Variants in CHCHD6 observed in about 807,000 individuals in gnomAD.
CHCHD6 encodes the protein MICOS complex subunit MIC25.
A neutral mutation model predicts 32.3 loss-of-function variants in CHCHD6; 28 were observed. The observed-to-expected ratio is 0.87, with a 90% CI of 0.64 to 1.19. The LOEUF is 1.19. CHCHD6 is among the 50% of genes most tolerant of loss of function. CHCHD6 has a pLI of 0.00. For synonymous variants in CHCHD6, 122 were observed against 117.5 expected (o/e 1.04, Z -0.25); for missense variants, 333 against 307.0 (o/e 1.08, Z -0.63).
intron 4 of CHCHD6, among the ~76,000 whole-genome samples, chr3:126,813,121 T>C (rs1042122969): frequency 2.6e-5 from 4 of 152,184 alleles, no homozygotes; most frequent in African/African-American, 9.6e-5. Flanking sequence ...GTAGAGTAGG[T>C]CAATAAATCT....
At chr3:126,910,121 AC>A (rs1322810403) in intron 5 of CHCHD6, among the ~76,000 whole-genome samples, 7 of 152,116 alleles carry the variant, frequency 4.6e-5, no homozygotes. Context: ...TGTAAAAAAT[AC>A]AAAAATTAGC....
intron 5 of CHCHD6, among the ~76,000 whole-genome samples, chr3:126,873,274 G>A (rs907387633): frequency 6.6e-6 from 1 of 152,218 alleles, no homozygotes; most frequent in Non-Finnish European, 1.5e-5. Flanking sequence ...GAGACCTGGT[G>A]GTTGTTCAAG....
At chr3:126,729,717 C>G (rs11718070) in intron 2 of CHCHD6, among the ~76,000 whole-genome samples, 1 of 152,044 alleles carries the variant, frequency 6.6e-6, no homozygotes, top group Non-Finnish European at 1.5e-5. Flanking sequence ...CCGAAGGATC[C>G]CTGACGGGTC....
Position 126,730,568 on chromosome 3 carries a change from A to G in CHCHD6, c.204A>G (p.Thr68=), listed in dbSNP as rs1935746114. ...CTTCTCTTTCCTTTGCAGAATCCAC[A>G]CTGCCCAGGTCGGGGAGCAGTGGTG... ...GNLRAPHKES[T]LPRSGSSGGQ... is the part of the protein sequence containing the mutation. The change falls in exon 3 of 8, where the codon ACA becomes ACG. Residue 68 remains threonine (T), a synonymous_variant. Coordinates refer to ENST00000290913, the MANE Select transcript of CHCHD6 (RefSeq NM_032343.3). 3 of 1,613,618 alleles carry G rather than the reference A, an allele frequency of 1.9e-6. No individual in the cohort carries two copies. Among genetic ancestry groups the G allele is most frequent in the South Asian group, 1.1e-5 (1 of 91,006 alleles).
chr3:126,842,531 T>C (rs1031985334), intron 4 of CHCHD6, among the ~76,000 whole-genome samples: 4 of 152,230 alleles, frequency 2.6e-5, no homozygotes, highest in Non-Finnish European at 4.4e-5. Flanking sequence ...GAATCTGTCT[T>C]CGTAGTCCTG....
chr3:126,945,910 G>T (rs935384096), intron 6 of CHCHD6, among the ~76,000 whole-genome samples: 2 of 151,994 alleles, frequency 1.3e-5, no homozygotes, highest in African/African-American at 2.4e-5. Flanking sequence ...ACTCTAAGAC[G>T]ACAGGGGGTG....
chr3:126,739,467 A>G (rs1183095471), intron 4 of CHCHD6, among the ~76,000 whole-genome samples: 12 of 152,206 alleles, frequency 7.9e-5, no homozygotes, highest in South Asian at 6.2e-4. Context: ...GGACTAGACT[A>G]TGCAGCTCCA....
At chr3:126,822,549 G>A (rs1250132695) in intron 4 of CHCHD6, among the ~76,000 whole-genome samples, 2 of 152,096 alleles carry the variant, frequency 1.3e-5, no homozygotes, top group Admixed American at 6.5e-5. Context: ...GATTATTTGG[G>A]ATTCCTTGAA....
chr3:126,764,434 A>G (rs1456637925), intron 4 of CHCHD6, among the ~76,000 whole-genome samples: 1 of 152,042 alleles, frequency 6.6e-6, no homozygotes, highest in Non-Finnish European at 1.5e-5. Flanking sequence ...GACCTTCCCC[A>G]CAACTCCTTG....
intron 6 of CHCHD6, among the ~76,000 whole-genome samples, chr3:126,918,223 C>T (rs966467524): frequency 6.6e-6 from 1 of 152,198 alleles, no homozygotes; most frequent in African/African-American, 2.4e-5. Context: ...TCATAAATGT[C>T]ATAGAAATAA....
rs370348666 is a variant in CHCHD6, at chr3:126,772,211, C to T, written c.411+38989C>T. 1.1e-4 allele frequency among the ~76,000 whole-genome samples: 17 copies of T among 152,292 alleles called. No homozygotes were observed. The East Asian group carries it at 2.3e-3, about 21-fold the overall frequency. ...CCGCCTCCTGGGTTCACGCCATTCT[C>T]CTGCCTCAGCCTCCCGAGTAGCTGG... On this transcript the variant is annotated intron_variant, in intron 4 of 7. Transcript: ENST00000290913.
intron 4 of CHCHD6, among the ~76,000 whole-genome samples, chr3:126,773,433 C>T (rs1161368084): frequency 6.6e-6 from 1 of 152,094 alleles, no homozygotes; most frequent in Non-Finnish European, 1.5e-5. Context: ...GGGAATGTGG[C>T]TACAACTGAG....
chr3:126,745,626 T>A (rs931082184), intron 4 of CHCHD6, among the ~76,000 whole-genome samples: 2 of 152,226 alleles, frequency 1.3e-5, no homozygotes, highest in Non-Finnish European at 2.9e-5. Context: ...GCAGGAATGC[T>A]GGCTGTTACC....
At chr3:126,863,066 CCAT>C (rs1199579364) in intron 5 of CHCHD6, among the ~76,000 whole-genome samples, 1 of 35,808 alleles carries the variant, frequency 2.8e-5, no homozygotes, top group Non-Finnish European at 5.6e-5. Flanking sequence ...TCCTCCTCCA[CCAT>C]CATCACCTCC....
At chr3:126,737,398 A>ATATG (rs1936094865) in intron 4 of CHCHD6, among the ~76,000 whole-genome samples, 2 of 140,696 alleles carry the variant, frequency 1.4e-5, no homozygotes, top group Admixed American at 1.4e-4. Context: ...GAGTATATAT[A>ATATG]TATATATATA....
chr3:126,766,476 C>A, intron 4 of CHCHD6: 1 of 722,474 alleles, frequency 1.4e-6, no homozygotes, highest in Non-Finnish European at 2.6e-6. Context: ...TCTTGATCTT[C>A]TCTTTCTCGG....
intron 1 of CHCHD6, among the ~76,000 whole-genome samples, chr3:126,716,567 A>G (rs1260986817): frequency 6.6e-6 from 1 of 152,048 alleles, no homozygotes; most frequent in Non-Finnish European, 1.5e-5. Flanking sequence ...CCATCATGCT[A>G]GTACCATGTT....
At chr3:126,897,322 A>G (rs540044621) in intron 5 of CHCHD6, among the ~76,000 whole-genome samples, 5 of 152,330 alleles carry the variant, frequency 3.3e-5, no homozygotes, top group South Asian at 4.1e-4. Context: ...CATGGTATCA[A>G]TAGATAACGA....
intron 2 of CHCHD6, among the ~76,000 whole-genome samples, chr3:126,728,933 T>C (rs542348635): frequency 2.0e-5 from 3 of 152,362 alleles, no homozygotes; most frequent in Non-Finnish European, 4.4e-5. Context: ...TTTTAAGATA[T>C]TTTGTACTTT....
Sources: allele counts gnomAD v4.1 joint callset (sites outside exome capture counted in the v4.1 genomes callset), GRCh38; gene constraint gnomAD v4.1.1; transcripts MANE v1.5; gene names NCBI Gene and HGNC (gene_info 2026-07-23, HGNC 2026-07-21).